PSCA: variants seen among roughly 807,000 people sequenced by gnomAD.
The protein encoded by PSCA is prostate stem cell antigen.
A neutral mutation model predicts 7.9 loss-of-function variants in PSCA; 7 were observed. That is an observed-to-expected ratio of 0.89 (90% confidence interval 0.51 to 1.67). The LOEUF (loss-of-function observed/expected upper bound fraction) is 1.67, where lower values mean the gene tolerates loss of function less well. PSCA is among the 40% of genes most tolerant of loss of function. The pLI is 0.00. For missense variants in PSCA, 151 were observed against 147.9 expected (o/e 1.02, Z -0.11); for synonymous variants, 61 against 68.3 (o/e 0.89, Z 0.53).
At chr8:142,674,535 G>T (rs1402978065) in intron 1 of PSCA, among the ~76,000 whole-genome samples, 1 of 152,262 alleles carries the variant, frequency 6.6e-6, no homozygotes, top group Non-Finnish European at 1.5e-5. Context: ...GGGCTGTTAT[G>T]CCCAGAAATG....
chr8:142,681,649 T>G, intron 2 of PSCA: 1 of 617,792 alleles, frequency 1.6e-6, no homozygotes, highest in Non-Finnish European at 2.9e-6. Context: ...ATCCTCCATC[T>G]TCCACTCCTC....
At chr8:142,677,971 G>A (rs587693902), upstream of PSCA, among the ~76,000 whole-genome samples, 7 of 152,292 alleles carry the variant, frequency 4.6e-5, no homozygotes, top group African/African-American at 1.7e-4. Context: ...GATTCCTGGT[G>A]CCACTGAGTC....
upstream of PSCA, among the ~76,000 whole-genome samples, chr8:142,678,273 G>T (rs1364115019): frequency 1.3e-5 from 2 of 152,178 alleles, no homozygotes; most frequent in African/African-American, 4.8e-5. Context: ...ACAACCATCA[G>T]CGGGGACGAG....
At chr8:142,676,868 G>A (rs1847406466), upstream of PSCA, among the ~76,000 whole-genome samples, 1 of 152,224 alleles carries the variant, frequency 6.6e-6, no homozygotes, top group African/African-American at 2.4e-5. Flanking sequence ...ATGAGGATCT[G>A]CAGGAAGCCA....
At chr8:142,681,133 A>G (rs1486427003) in intron 1 of PSCA, 194 bp from the exon 2 acceptor site, 2 of 565,206 alleles carry the variant, frequency 3.5e-6, no homozygotes, top group Non-Finnish European at 6.4e-6. Context: ...GCAGCCACCG[A>G]GGGACTAAAC....
upstream of PSCA, among the ~76,000 whole-genome samples, chr8:142,678,526 G>A (rs1247469319): frequency 6.6e-6 from 1 of 152,246 alleles, no homozygotes; most frequent in Non-Finnish European, 1.5e-5. Flanking sequence ...AGCCCCTCGG[G>A]CTTGCAGGGA....
At chr8:142,671,289 T>C (rs1199782809) in intron 1 of PSCA, among the ~76,000 whole-genome samples, 1 of 152,060 alleles carries the variant, frequency 6.6e-6, no homozygotes. Context: ...GTGATGTGCT[T>C]TGAAGATGGA....
intron 2 of PSCA, 26 bp downstream of exon 2, chr8:142,681,460 G>A: frequency 9.0e-6 from 14 of 1,551,982 alleles, no homozygotes; most frequent in Non-Finnish European, 1.2e-5. Context: ...ACAGCCGCCA[G>A]GCCTAGGTCT....
In PSCA at chr8:142,682,679, G is replaced by C; in HGVS notation, c.*547G>C. Reference sequence around the variant, plus strand: ...CATTCGTGGGGCTCCCTGAATGGCAGCCTCAGCACAGCGTAGGCCCTTAAT... The same window carrying C: ...CATTCGTGGGGCTCCCTGAATGGCACCCTCAGCACAGCGTAGGCCCTTAAT... On this transcript the variant is annotated 3_prime_UTR_variant, in exon 3 of 3. Coordinates refer to ENST00000301258, the MANE Select transcript of PSCA (RefSeq NM_005672.5). 3 of 345,226 alleles carry C rather than the reference G, an allele frequency of 8.7e-6. No homozygotes were observed. The highest frequency in any genetic ancestry group is 6.7e-5 in the South Asian group (3 of 44,736). The allele number at this position is 345,226 out of a possible 1,614,324, so 21.4% of individuals were successfully genotyped here. A position where few individuals can be genotyped will look rare whatever the true frequency, so the allele number is the denominator to read the frequency against.
intron 1 of PSCA, 43 bp downstream of exon 1, chr8:142,680,606 G>A: frequency 6.4e-7 from 1 of 1,551,976 alleles, no homozygotes. Context: ...GAGCAGGGGT[G>A]AGCCGGGGAG....
chr8:142,677,099 G>T (rs1280360499), upstream of PSCA, among the ~76,000 whole-genome samples: 1 of 152,202 alleles, frequency 6.6e-6, no homozygotes, highest in African/African-American at 2.4e-5. Flanking sequence ...CTCAGGGTGG[G>T]GCCGTAACCA....
intron 1 of PSCA, among the ~76,000 whole-genome samples, chr8:142,671,022 A>G (rs188584337): frequency 3.9e-5 from 6 of 152,248 alleles, no homozygotes; most frequent in Non-Finnish European, 8.8e-5. Context: ...TGTAAGCGCT[A>G]TGTAGATAGT....
At chr8:142,680,644 G>A in intron 1 of PSCA, 81 bp downstream of exon 1, 1 of 1,502,852 alleles carries the variant, frequency 6.7e-7, no homozygotes, top group Non-Finnish European at 9.0e-7. Context: ...AGGGCACACG[G>A]AGAGGAGGGG....
At chr8:142,680,602 G>A in intron 1 of PSCA, 39 bp downstream of exon 1, 1 of 1,552,374 alleles carries the variant, frequency 6.4e-7, no homozygotes, top group Non-Finnish European at 8.7e-7. Flanking sequence ...AAGGGAGCAG[G>A]GGTGAGCCGG....
intron 1 of PSCA, among the ~76,000 whole-genome samples, chr8:142,672,477 G>A (rs1378474144): frequency 2.6e-5 from 4 of 152,204 alleles, no homozygotes; most frequent in African/African-American, 4.8e-5. Context: ...GCTGAGTCAC[G>A]GAGCATACCA....
chr8:142,674,360 A>C (rs1303792902), intron 1 of PSCA, among the ~76,000 whole-genome samples: 1 of 145,434 alleles, frequency 6.9e-6, no homozygotes, highest in African/African-American at 2.7e-5. Context: ...AACGGCTGGG[A>C]ATCGTTTCAG....
intron 1 of PSCA, 162 bp downstream of exon 1, chr8:142,680,725 G>T: frequency 1.1e-6 from 1 of 931,040 alleles, no homozygotes; most frequent in Non-Finnish European, 1.6e-6. Context: ...GGAAGCTCTT[G>T]GCACGACCAG....
chr8:142,674,527 G>T (rs754524661), intron 1 of PSCA, among the ~76,000 whole-genome samples: 3 of 152,270 alleles, frequency 2.0e-5, no homozygotes, highest in Non-Finnish European at 2.9e-5. Flanking sequence ...TTGGAAAAGG[G>T]CTGTTATGCC....
chr8:142,677,213 G>A (rs1228637616), upstream of PSCA, among the ~76,000 whole-genome samples: 1 of 152,196 alleles, frequency 6.6e-6, no homozygotes, highest in African/African-American at 2.4e-5. Context: ...GGGGCTCTAG[G>A]AATGTCACAG....
Sources: gnomAD v4.1 joint callset for allele counts (sites outside exome capture counted in the v4.1 genomes callset) on GRCh38, gnomAD v4.1.1 for gene constraint, MANE v1.5 for transcripts, NCBI Gene and HGNC (gene_info 2026-07-23, HGNC 2026-07-21) for gene names.